Variants in PCDHA8 observed in about 807,000 individuals in gnomAD.
The protein encoded by PCDHA8 is protocadherin alpha 8.
In PCDHA8, 53 loss-of-function variants were observed where a neutral mutation model predicts 61.8. The ratio of observed to expected loss-of-function variants is 0.86; its 90% CI spans 0.69 to 1.08. The LOEUF is 1.08. Among genes scored for constraint, PCDHA8 ranks in the 50% least tolerant of loss-of-function variants. The pLI is 0.00. For missense variants in PCDHA8, 1,293 were observed against 1,245.0 expected (o/e 1.04, Z -0.58); for synonymous variants, 618 against 556.6 (o/e 1.11, Z -1.55).
Position 140,851,965 on chromosome 5 carries a change from A to G in PCDHA8, c.2394+8250A>G, listed in dbSNP as rs564952826. On this transcript the variant is annotated intron_variant, in intron 1 of 3. Transcript: ENST00000531613. Reference sequence around the variant, plus strand: ...GTGACTTTCAAAATGGTGGTTTTCCACACTCTACCTTTAGTGCAAGCTATT... The same window carrying G: ...GTGACTTTCAAAATGGTGGTTTTCCGCACTCTACCTTTAGTGCAAGCTATT... 95 of 976,702 alleles carry G rather than the reference A, an allele frequency of 9.7e-5. 6 individuals are homozygous for G. The highest frequency in any genetic ancestry group is 1.2e-4 in the Non-Finnish European group (95 of 809,234). 60.5% of individuals were successfully genotyped at this position (976,702 alleles called of 1,614,324 possible).
intron 1 of PCDHA8, chr5:140,862,681 G>T: frequency 1.8e-6 from 1 of 551,660 alleles, no homozygotes. Context: ...GAACGTGCTG[G>T]TGTCCTACTC....
chr5:140,849,924 G>A, intron 1 of PCDHA8: 1 of 1,598,310 alleles, frequency 6.3e-7, no homozygotes, highest in East Asian at 2.2e-5. Context: ...CATCTTCACG[G>A]TGTCTGCGCG....
At chr5:140,883,907 A>G (rs2059882679) in intron 1 of PCDHA8, 1 of 1,613,358 alleles carries the variant, frequency 6.2e-7, no homozygotes, top group African/African-American at 1.3e-5. Context: ...GCCTCTGGGC[A>G]GCAACGTGAC....
chr5:140,921,741 A>G (rs1437643098), intron 1 of PCDHA8, among the ~76,000 whole-genome samples: 1 of 152,202 alleles, frequency 6.6e-6, no homozygotes, highest in Non-Finnish European at 1.5e-5. Context: ...AATTATAAGC[A>G]TAACAGGACA....
chr5:140,873,589 A>C (rs1562682260), intron 1 of PCDHA8, among the ~76,000 whole-genome samples: 1 of 152,272 alleles, frequency 6.6e-6, no homozygotes, highest in Non-Finnish European at 1.5e-5. Context: ...TATTAAGCTA[A>C]ACTTAGATGT....
chr5:140,870,774 G>GAACGAC (rs781868424), intron 1 of PCDHA8: 1 of 1,613,632 alleles, frequency 6.2e-7, no homozygotes, highest in South Asian at 1.1e-5. Context: ...TGCTGGACGA[G>GAACGAC]AACGACAACG....
intron 1 of PCDHA8, chr5:140,860,355 TG>T (rs1218123475): frequency 1.3e-5 from 2 of 152,074 alleles, no homozygotes; most frequent in African/African-American, 2.4e-5. Context: ...CACTCCAGCC[TG>T]GATGACAAAG....
chr5:140,889,831 T>C (rs2062398202), intron 1 of PCDHA8, among the ~76,000 whole-genome samples: 1 of 152,138 alleles, frequency 6.6e-6, no homozygotes, highest in African/African-American at 2.4e-5. Flanking sequence ...AGTCTTACAG[T>C]ATGCTTTGGT....
chr5:140,869,184 G>A (rs1554162580), intron 1 of PCDHA8: 44 of 1,613,836 alleles, frequency 2.7e-5, no homozygotes, highest in Non-Finnish European at 3.7e-5. Flanking sequence ...GGGAGGTGGG[G>A]AGCGGCCAGC....
At chr5:140,956,363 A>G (rs938643620) in intron 1 of PCDHA8, among the ~76,000 whole-genome samples, 2 of 152,026 alleles carry the variant, frequency 1.3e-5, no homozygotes, top group African/African-American at 4.8e-5. Context: ...ACATGAAGGG[A>G]TGTTGAATTT....
chr5:140,858,074 A>T (rs782716439), intron 1 of PCDHA8: 3 of 1,597,640 alleles, frequency 1.9e-6, no homozygotes, highest in Middle Eastern at 1.7e-4. Context: ...CCAGGCACCC[A>T]AGGCCTCGTC....
intron 1 of PCDHA8, among the ~76,000 whole-genome samples, chr5:140,925,728 TAAATATTTACAGAAAGA>T (rs1554202900): frequency 6.6e-6 from 1 of 151,870 alleles, no homozygotes; most frequent in African/African-American, 2.4e-5. Context: ...TGGTGTTTTC[TAAATATTTACAGAAAGA>T]AAATTTACAG....
chr5:140,961,263 T>A (rs782231630), intron 1 of PCDHA8, among the ~76,000 whole-genome samples: 1 of 152,218 alleles, frequency 6.6e-6, no homozygotes, highest in Non-Finnish European at 1.5e-5. Flanking sequence ...TCCAGGAAGC[T>A]TCTTTTTACC....
At chr5:140,973,858 C>G (rs1277402007) in intron 1 of PCDHA8, among the ~76,000 whole-genome samples, 1 of 152,156 alleles carries the variant, frequency 6.6e-6, no homozygotes, top group Non-Finnish European at 1.5e-5. Flanking sequence ...AATTTTTGCT[C>G]TCAATGAGAG....
At chr5:140,884,357 A>G (rs1562803365) in intron 1 of PCDHA8, 1 of 1,613,864 alleles carries the variant, frequency 6.2e-7, no homozygotes, top group Non-Finnish European at 8.5e-7. Flanking sequence ...GGTGGATGTC[A>G]ATGTTTACTT....
chr5:140,882,438 C>T (rs782795158), intron 1 of PCDHA8: 5 of 1,614,020 alleles, frequency 3.1e-6, no homozygotes, highest in Non-Finnish European at 4.2e-6. Context: ...CTGGAGCTGG[C>T]GGAGCTGGTG....
chr5:140,883,449 C>G lies in PCDHA8; in HGVS notation c.2394+39734C>G, dbSNP rs782030208. The G allele has an allele frequency of 6.8e-6, 11 of 1,614,058 alleles. No homozygotes were observed. The Admixed American group carries it at 1.8e-4, about 27-fold the overall frequency. On this transcript the variant is annotated intron_variant, in intron 1 of 3. Coordinates refer to ENST00000531613, the MANE Select transcript of PCDHA8 (RefSeq NM_018911.3). Reference sequence around the variant, plus strand: ...ACCTGCACCTTGACGCCGCATGTCCCCTTCAAGCTGGTGTCCACCTACAAG... The same window carrying G: ...ACCTGCACCTTGACGCCGCATGTCCGCTTCAAGCTGGTGTCCACCTACAAG...
Position 140,842,359 on chromosome 5 carries a change from C to G in PCDHA8, c.1038C>G (p.Asn346Lys). 1 of 1,606,650 alleles carries G rather than the reference C, an allele frequency of 6.2e-7. No individual in the cohort carries two copies. The highest frequency in any genetic ancestry group is 8.5e-7 in the Non-Finnish European group (1 of 1,173,320). Residue 346 changes from asparagine to lysine, a missense_variant, in exon 1 of 4, where the codon AAC becomes AAG. By Grantham distance (94) the Asn-to-Lys change is moderately conservative. Coordinates refer to ENST00000531613, the MANE Select transcript of PCDHA8 (RefSeq NM_018911.3). The stretch of plus-strand genomic sequence containing the variant: ...TGAGAATTTTGGATAAAAATGATAA[C>G]GTCCCTGAGATAGCACTGACTTCCT... ...VLVRILDKND[N>K]VPEIALTSLS...
At chr5:140,924,902 A>AT (rs1563068435) in intron 1 of PCDHA8, among the ~76,000 whole-genome samples, 2 of 39,026 alleles carry the variant, frequency 5.1e-5, no homozygotes, top group Non-Finnish European at 1.3e-4. Context: ...CTCAAAAAAA[A>AT]AAATAAAATA....
Sources: gnomAD v4.1 joint callset for allele counts (sites outside exome capture counted in the v4.1 genomes callset) on GRCh38, gnomAD v4.1.1 for gene constraint, MANE v1.5 for transcripts, NCBI Gene and HGNC (gene_info 2026-07-23, HGNC 2026-07-21) for gene names.